Variants in WWC2 observed in about 807,000 individuals in gnomAD.
WWC2 encodes WW and C2 domain containing 2.
In WWC2, 101 loss-of-function variants were observed where a neutral mutation model predicts 138.5. The ratio of observed to expected loss-of-function variants is 0.73; its 90% CI spans 0.62 to 0.86. WWC2 has a LOEUF of 0.86. Ranked by LOEUF, WWC2 falls within the 40% of genes least tolerant of loss-of-function variation. WWC2 has a pLI of 0.00. For synonymous variants in WWC2, 558 were observed against 538.4 expected, an observed-to-expected ratio of 1.04 and a Z score of -0.50; for missense variants, 1,420 against 1,419.4, an observed-to-expected ratio of 1.00 and a Z score of -0.01.
intron 1 of WWC2, among the ~76,000 whole-genome samples, chr4:183,111,707 T>C (rs188740904): frequency 6.6e-6 from 1 of 152,124 alleles, no homozygotes; most frequent in African/African-American, 2.4e-5. Flanking sequence ...TGTTTTTTTT[T>C]TTTTGATACC....
rs1292117130 is a variant in WWC2 at position 183,316,617 on chromosome 4, G to A, written c.*888G>A. On this transcript the variant is annotated 3_prime_UTR_variant, in exon 23 of 23. Transcript: ENST00000403733. ...GTGCCTAGTGGTGGCCCTGTGTTCT[G>A]AGGACAGAGAGAGCTGGAGGGGTGG... The A allele has an allele frequency of 1.3e-5, 2 of 152,210 alleles. No individual in the cohort carries two copies. Among genetic ancestry groups the A allele is most frequent in the Non-Finnish European group, 2.9e-5 (2 of 68,060 alleles). The allele number at this position is 152,210 out of a possible 1,614,324, so 9.4% of individuals were successfully genotyped here.
chr4:183,162,648 G>T (rs926722332), intron 1 of WWC2, among the ~76,000 whole-genome samples: 7 of 151,878 alleles, frequency 4.6e-5, no homozygotes, highest in Non-Finnish European at 2.9e-5. Flanking sequence ...TTGACAGCTG[G>T]TTTTTTTGCA....
intron 11 of WWC2, among the ~76,000 whole-genome samples, chr4:183,262,415 C>G (rs149656265): frequency 3.2e-4 from 49 of 152,354 alleles, no homozygotes; most frequent in African/African-American, 1.2e-3. Context: ...TTTAGAAGTG[C>G]TCTCTTCCTG....
At chr4:183,179,705 G>A (rs1054745619) in intron 1 of WWC2, among the ~76,000 whole-genome samples, 4 of 152,086 alleles carry the variant, frequency 2.6e-5, no homozygotes, top group African/African-American at 4.8e-5. Context: ...AAGTTAAAGC[G>A]TTGTTTTTTA....
In WWC2 at chr4:183,175,505, G is replaced by A. The variant is rs569053561; in HGVS notation, c.132-18094G>A. Among the ~76,000 whole-genome samples the A allele has an allele frequency of 2.6e-5, 4 of 152,076 alleles. No individual in the cohort carries two copies. In the South Asian group the frequency reaches 8.3e-4, roughly 32 times the overall value. ...CCCAAACCCCTGCGCTCAAATGATC[G>A]GCCCACATCAGTCTCCCAAAGTGCT... is the stretch of plus-strand genomic sequence containing the variant. On this transcript the variant is annotated intron_variant, in intron 1 of 22. Coordinates refer to ENST00000403733, the MANE Select transcript of WWC2 (RefSeq NM_024949.6).
At chr4:183,213,829 A>G (rs917796699) in intron 4 of WWC2, among the ~76,000 whole-genome samples, 1 of 152,104 alleles carries the variant, frequency 6.6e-6, no homozygotes, top group Non-Finnish European at 1.5e-5. Flanking sequence ...TTACTGCAAA[A>G]TTTATTATTT....
chr4:183,105,699 G>A (rs1398419952), intron 1 of WWC2, among the ~76,000 whole-genome samples: 1 of 152,106 alleles, frequency 6.6e-6, no homozygotes, highest in Non-Finnish European at 1.5e-5. Context: ...GACCATCCTG[G>A]CTAACACAGT....
chr4:183,281,594 G>A (rs1003516461), intron 17 of WWC2, among the ~76,000 whole-genome samples: 1 of 152,098 alleles, frequency 6.6e-6, no homozygotes, highest in Non-Finnish European at 1.5e-5. Flanking sequence ...TAATACATGT[G>A]CATATACATA....
intron 1 of WWC2, 150 bp downstream of exon 1, chr4:183,099,772 G>A: frequency 4.8e-6 from 4 of 841,768 alleles, no homozygotes; most frequent in Non-Finnish European, 6.0e-6. Flanking sequence ...CGGCGGGGCC[G>A]AGGAGCCGCC....
chr4:183,227,098 C>A (rs1736096170), intron 4 of WWC2, among the ~76,000 whole-genome samples: 1 of 150,026 alleles, frequency 6.7e-6, no homozygotes. Flanking sequence ...CCAGCCCAAC[C>A]ACCCTAGCAT....
At chr4:183,229,070 A>C (rs1736162302) in intron 4 of WWC2, among the ~76,000 whole-genome samples, 1 of 152,032 alleles carries the variant, frequency 6.6e-6, no homozygotes, top group Admixed American at 6.5e-5. Context: ...AAGGTTTAGT[A>C]ATTTGGAGGG....
intron 21 of WWC2, among the ~76,000 whole-genome samples, chr4:183,291,058 G>A (rs1422991490): frequency 1.3e-5 from 2 of 152,242 alleles, no homozygotes; most frequent in African/African-American, 4.8e-5. Context: ...TAGGACCGGT[G>A]TTTGCTCAGT....
At chr4:183,189,095 C>G (rs1349026583) in intron 1 of WWC2, among the ~76,000 whole-genome samples, 1 of 151,972 alleles carries the variant, frequency 6.6e-6, no homozygotes, top group Non-Finnish European at 1.5e-5. Flanking sequence ...CTACTATTTT[C>G]CTTTGTTTGT....
Position 183,316,391 on chromosome 4 carries a change from G to A in WWC2, c.*662G>A, listed in dbSNP as rs1437233317. ...ATAAAAATAAGAATAAGAATACAAA[G>A]GAGCACTACTCTTGGCTACACGAAA... On this transcript the variant is annotated 3_prime_UTR_variant, in exon 23 of 23. Coordinates refer to ENST00000403733, the MANE Select transcript of WWC2 (RefSeq NM_024949.6). 6.6e-6 allele frequency: 1 copy of A among 152,216 alleles called. No individual in the cohort carries two copies. The highest frequency in any genetic ancestry group is 1.5e-5 in the Non-Finnish European group (1 of 68,056). 9.4% of individuals were successfully genotyped at this position (152,216 alleles called of 1,614,324 possible).
chr4:183,280,991 G>T lies in WWC2; in HGVS notation c.2684+94G>T, dbSNP rs1291534524. On this transcript the variant is annotated intron_variant, in intron 17 of 22. Transcript: ENST00000403733. ...CTTTGTAGGCTCATGCTTTATTCCA[G>T]AATGATGGAATGCACTGCACCTTCA... The T allele has an allele frequency of 2.8e-6, 4 of 1,447,610 alleles. No homozygotes were observed. The Admixed American group carries it at 8.6e-5, about 31-fold the overall frequency. The allele number at this position is 1,447,610 out of a possible 1,614,324, so 89.7% of individuals were successfully genotyped here.
chr4:183,135,076 G>A lies in WWC2; in HGVS notation c.131+35454G>A, dbSNP rs550586998. Among the ~76,000 whole-genome samples, 6 of 152,028 alleles carry A rather than the reference G, an allele frequency of 3.9e-5. 1 individual carries two copies. Among genetic ancestry groups the A allele is most frequent in the South Asian group, 4.2e-4 (2 of 4,816 alleles). On this transcript the variant is annotated intron_variant, in intron 1 of 22. Coordinates refer to ENST00000403733, the MANE Select transcript of WWC2 (RefSeq NM_024949.6). The stretch of plus-strand genomic sequence containing the variant: ...CTCCCGAGTAGCTGGGACTACAGGC[G>A]TGTGCCACCACATTTTTTTGTATTT...
intron 1 of WWC2, among the ~76,000 whole-genome samples, chr4:183,135,199 G>A (rs1186665310): frequency 6.6e-6 from 1 of 152,098 alleles, no homozygotes; most frequent in African/African-American, 2.4e-5. Context: ...GATTACCGGA[G>A]TGAGCGACCC....
chr4:183,274,780 T>G (rs1015220409), intron 16 of WWC2, among the ~76,000 whole-genome samples: 1 of 152,170 alleles, frequency 6.6e-6, no homozygotes, highest in Non-Finnish European at 1.5e-5. Context: ...TTTAATCATT[T>G]AAATGTTTTA....
intron 1 of WWC2, among the ~76,000 whole-genome samples, chr4:183,153,986 T>A (rs1186572090): frequency 7.8e-6 from 1 of 127,800 alleles, no homozygotes; most frequent in Non-Finnish European, 1.6e-5. Context: ...AACAGTGAAT[T>A]GCTGGCTTTA....
Sources: gnomAD v4.1 joint callset for allele counts (sites outside exome capture counted in the v4.1 genomes callset) on GRCh38, gnomAD v4.1.1 for gene constraint, MANE v1.5 for transcripts, NCBI Gene and HGNC (gene_info 2026-07-23, HGNC 2026-07-21) for gene names.